DGKB: variants seen among roughly 807,000 people sequenced by gnomAD.
The protein encoded by DGKB is diacylglycerol kinase beta.
A neutral mutation model predicts 114.3 loss-of-function variants in DGKB; 67 were observed. The observed-to-expected ratio is 0.59, with a 90% CI of 0.48 to 0.72. The LOEUF is 0.72. Ranked by LOEUF, DGKB falls within the 30% of genes least tolerant of loss-of-function variation. The pLI, the probability that DGKB is intolerant of heterozygous loss-of-function variation, is 0.00. For synonymous variants in DGKB, 398 were observed against 323.1 expected (o/e 1.23, Z -2.49); for missense variants, 907 against 975.2 (o/e 0.93, Z 0.93).
At chr7:14,424,520 T>C (rs1448808078) in intron 21 of DGKB, among the ~76,000 whole-genome samples, 5 of 152,050 alleles carry the variant, frequency 3.3e-5, no homozygotes, top group African/African-American at 7.2e-5. Context: ...ATAATAACCA[T>C]CCCTTATATT....
At chr7:14,427,017 G>C (rs1373821150) in intron 21 of DGKB, among the ~76,000 whole-genome samples, 1 of 151,908 alleles carries the variant, frequency 6.6e-6, no homozygotes, top group African/African-American at 2.4e-5. Context: ...CCAAGATAGT[G>C]TCACTGCACT....
chr7:14,211,500 A>G lies in DGKB; in HGVS notation c.2123-33349T>C, dbSNP rs866920641. Among the ~76,000 whole-genome samples the G allele has an allele frequency of 9.1e-3, 221 of 24,294 alleles. 12 individuals carry two copies. Among genetic ancestry groups the G allele is most frequent in the Admixed American group, 9.5e-3 (17 of 1,792 alleles). 15.9% of individuals were successfully genotyped at this position (24,294 alleles called of 152,430 possible). ...CTCATGTTTTGTGATATTTACTCTCATGTTTTGTGATTTTACTCTCATGTT... is the reference window on the plus strand; with the variant it reads ...CTCATGTTTTGTGATATTTACTCTCGTGTTTTGTGATTTTACTCTCATGTT... On this transcript the variant is annotated intron_variant, in intron 23 of 25. Coordinates refer to ENST00000402815, the MANE Select transcript of DGKB (RefSeq NM_001350709.2).
At chr7:14,245,785 G>A (rs562437098) in intron 23 of DGKB, among the ~76,000 whole-genome samples, 1 of 151,968 alleles carries the variant, frequency 6.6e-6, no homozygotes, top group Non-Finnish European at 1.5e-5. Context: ...AAAATTAGCT[G>A]GGCATGGTGG....
intron 20 of DGKB, among the ~76,000 whole-genome samples, chr7:14,495,455 G>T (rs1480437415): frequency 6.6e-6 from 1 of 151,744 alleles, no homozygotes; most frequent in African/African-American, 2.4e-5. Context: ...ATTGAAAAAA[G>T]AAGTTTTCAG....
intron 1 of DGKB, among the ~76,000 whole-genome samples, chr7:14,881,296 T>C (rs1854191156): frequency 6.6e-6 from 1 of 152,170 alleles, no homozygotes; most frequent in Non-Finnish European, 1.5e-5. Context: ...AATTGATTGC[T>C]CTTATTCTGT....
chr7:14,232,613 C>T (rs1047639777), intron 23 of DGKB, among the ~76,000 whole-genome samples: 16 of 151,734 alleles, frequency 1.1e-4, no homozygotes, highest in African/African-American at 2.7e-4. Context: ...AACTACCTAG[C>T]GTATAGCATG....
intron 21 of DGKB, among the ~76,000 whole-genome samples, chr7:14,432,963 T>C (rs1828690522): frequency 6.6e-6 from 1 of 152,120 alleles, no homozygotes; most frequent in South Asian, 2.1e-4. Flanking sequence ...ATGGAAGGAA[T>C]TGTAATAAAC....
At chr7:14,306,313 A>G (rs34928263) in intron 23 of DGKB, among the ~76,000 whole-genome samples, 1 of 152,156 alleles carries the variant, frequency 6.6e-6, no homozygotes, top group Non-Finnish European at 1.5e-5. Flanking sequence ...TAAGAAAGGA[A>G]CAAAATAAAA....
intron 4 of DGKB, among the ~76,000 whole-genome samples, chr7:14,737,332 G>A (rs940683342): frequency 7.7e-6 from 1 of 130,338 alleles, no homozygotes; most frequent in Non-Finnish European, 1.6e-5. Flanking sequence ...AATGTGCTGA[G>A]ATGCAAGAGG....
chr7:14,338,562 T>C lies in DGKB; in HGVS notation c.2075A>G (p.Lys692Arg). Residue 692 changes from lysine (K) to arginine (R), a missense_variant, in exon 23 of 26, where the codon AAA becomes AGA. By Grantham distance (26) the Lys-to-Arg change is conservative. Coordinates refer to ENST00000402815, the MANE Select transcript of DGKB (RefSeq NM_001350709.2). ...HRRIEKKGSD[K>R]RTTVTDAKEL... ...TTTGGCATCTGTGACGGTGGTCCTT[T>C]TGTCAGACCCTTTTTTCTCTATTCG... 6.2e-7 allele frequency: 1 copy of C among 1,605,190 alleles called. No individual in the cohort carries two copies. Among genetic ancestry groups the C allele is most frequent in the Non-Finnish European group, 8.5e-7 (1 of 1,176,406 alleles).
rs899506149 is a variant in DGKB at position 14,147,360 on chromosome 7, T to G, written c.*1771A>C. The G allele has an allele frequency of 3.3e-5, 5 of 152,168 alleles. No individual in the cohort carries two copies. Among genetic ancestry groups the G allele is most frequent in the Non-Finnish European group, 5.9e-5 (4 of 68,008 alleles). The allele number at this position is 152,168 out of a possible 1,614,324, so 9.4% of individuals were successfully genotyped here. A position where few individuals can be genotyped will look rare whatever the true frequency, so the allele number is the denominator to read the frequency against. ...ATTTTTAAAGTAATTAAGCTTATTG[T>G]TGATTGATATTTACCGTCCAATGTT... On this transcript the variant is annotated 3_prime_UTR_variant, in exon 26 of 26. Coordinates refer to ENST00000402815, the MANE Select transcript of DGKB (RefSeq NM_001350709.2).
At chr7:14,228,034 T>A (rs564005109) in intron 23 of DGKB, among the ~76,000 whole-genome samples, 1 of 152,192 alleles carries the variant, frequency 6.6e-6, no homozygotes, top group Non-Finnish European at 1.5e-5. Flanking sequence ...TAGAGTAGTT[T>A]AACCCATCTT....
intron 20 of DGKB, among the ~76,000 whole-genome samples, chr7:14,566,602 T>C (rs1239213628): frequency 2.6e-5 from 4 of 152,172 alleles, no homozygotes; most frequent in Non-Finnish European, 4.4e-5. Flanking sequence ...ATTATTTAAT[T>C]ATTCAGTGAC....
chr7:14,914,341 C>A (rs769777613), intron 1 of DGKB, among the ~76,000 whole-genome samples: 1 of 152,104 alleles, frequency 6.6e-6, no homozygotes, highest in African/African-American at 2.4e-5. Context: ...GAAAACTACA[C>A]GCCCAAATAC....
chr7:14,688,950 T>C (rs1189791333), intron 9 of DGKB, among the ~76,000 whole-genome samples: 2 of 152,024 alleles, frequency 1.3e-5, no homozygotes, highest in East Asian at 1.9e-4. Flanking sequence ...TCAAGTGAAC[T>C]AGGGCTACTA....
At chr7:14,154,139 G>T (rs1562484156) in intron 25 of DGKB, among the ~76,000 whole-genome samples, 1 of 148,932 alleles carries the variant, frequency 6.7e-6, no homozygotes. Flanking sequence ...AACAAAAGGA[G>T]TGTGGATAAT....
At chr7:14,430,488 A>G (rs1386196454) in intron 21 of DGKB, among the ~76,000 whole-genome samples, 1 of 152,152 alleles carries the variant, frequency 6.6e-6, no homozygotes, top group Non-Finnish European at 1.5e-5. Context: ...TATCCAGGAA[A>G]AAGTTATTGG....
At chr7:14,841,590 A>C (rs1847942204) in intron 1 of DGKB, 140 bp from the exon 2 acceptor site, 1 of 217,810 alleles carries the variant, frequency 4.6e-6, no homozygotes, top group African/African-American at 2.3e-5. Flanking sequence ...CTTATAAAGC[A>C]CATTTTCATA....
At chr7:14,640,021 G>C (rs954890995) in intron 13 of DGKB, among the ~76,000 whole-genome samples, 11 of 152,190 alleles carry the variant, frequency 7.2e-5, no homozygotes, top group African/African-American at 2.4e-4. Flanking sequence ...AGCCAGACAA[G>C]AGTCAGCATG....
Sources: allele counts gnomAD v4.1 joint callset (sites outside exome capture counted in the v4.1 genomes callset), GRCh38; gene constraint gnomAD v4.1.1; transcripts MANE v1.5; gene names NCBI Gene and HGNC (gene_info 2026-07-23, HGNC 2026-07-21).